Variants in ST18 observed in about 807,000 individuals in gnomAD.
The protein encoded by ST18 is suppression of tumorigenicity 18 protein.
In ST18, 50 loss-of-function variants were observed where a neutral mutation model predicts 110.0. The ratio of observed to expected loss-of-function variants is 0.45; its 90% CI spans 0.36 to 0.58. ST18 has a LOEUF of 0.58. ST18 is among the 20% of genes least tolerant of loss of function. The pLI is 0.00. For missense variants in ST18, 1,306 were observed against 1,280.1 expected (o/e 1.02, Z -0.31); for synonymous variants, 461 against 452.4 (o/e 1.02, Z -0.24).
chr8:52,228,304 T>C (rs896149153), intron 3 of ST18, among the ~76,000 whole-genome samples: 1 of 152,216 alleles, frequency 6.6e-6, no homozygotes, highest in African/African-American at 2.4e-5. Context: ...GAAATAATAG[T>C]CATATTTTTC....
At chr8:52,115,787 A>C (rs1462762017) in intron 25 of ST18, among the ~76,000 whole-genome samples, 1 of 149,628 alleles carries the variant, frequency 6.7e-6, no homozygotes, top group African/African-American at 2.5e-5. Context: ...TTCCTTGTTC[A>C]TTTTTTTTTG....
intron 2 of ST18, among the ~76,000 whole-genome samples, chr8:52,302,503 C>T (rs550100182): frequency 7.9e-5 from 12 of 152,304 alleles, no homozygotes; most frequent in African/African-American, 2.2e-4. Context: ...CACACCTCCA[C>T]AGCAGTGGGC....
intron 2 of ST18, among the ~76,000 whole-genome samples, chr8:52,293,776 A>G (rs2095592003): frequency 6.6e-6 from 1 of 152,212 alleles, no homozygotes; most frequent in Non-Finnish European, 1.5e-5. Context: ...CAGACTAAAT[A>G]GGATATATTT....
chr8:52,200,366 A>T (rs1284985322), intron 8 of ST18, among the ~76,000 whole-genome samples: 1 of 152,198 alleles, frequency 6.6e-6, no homozygotes, highest in Non-Finnish European at 1.5e-5. Context: ...ATTGAGCAAA[A>T]ACCTGGTGCA....
At chr8:52,313,048 G>A (rs2095951371) in intron 2 of ST18, 8 of 152,252 alleles carry the variant, frequency 5.3e-5, no homozygotes, top group Admixed American at 5.2e-4. Flanking sequence ...GAGACCTGAG[G>A]GCACAGGTAA....
chr8:52,143,239 G>A (rs2055940781), intron 16 of ST18, among the ~76,000 whole-genome samples, 194 bp from the exon 17 acceptor site: 1 of 152,260 alleles, frequency 6.6e-6, no homozygotes, highest in South Asian at 2.1e-4. Flanking sequence ...GTAATCCTTG[G>A]CCTTTGGGAA....
chr8:52,372,558 G>C (rs538061737), intron 2 of ST18, among the ~76,000 whole-genome samples: 1 of 152,270 alleles, frequency 6.6e-6, no homozygotes, highest in South Asian at 2.1e-4. Context: ...CTCCATTCAC[G>C]GTAAGTGCCC....
intron 8 of ST18, among the ~76,000 whole-genome samples, chr8:52,186,550 T>A (rs1339078832): frequency 6.6e-6 from 1 of 152,138 alleles, no homozygotes; most frequent in Non-Finnish European, 1.5e-5. Context: ...GGCCCAGAAA[T>A]TCCATTCCTA....
At chr8:52,375,276 C>T (rs572638138) in intron 2 of ST18, among the ~76,000 whole-genome samples, 190 of 152,246 alleles carry the variant, frequency 1.2e-3, no homozygotes, top group Non-Finnish European at 9.4e-4. Flanking sequence ...GCCGTCAACT[C>T]TTTTATTTGC....
In ST18 at chr8:52,238,556, T is replaced by C. The variant is rs149652913; in HGVS notation, c.-464-8479A>G. ...GCACATGTATGTTTTTTGTAGCACATTAGTCACAATAGCAAAGACATGAAA... is the reference window on the plus strand; with the variant it reads ...GCACATGTATGTTTTTTGTAGCACACTAGTCACAATAGCAAAGACATGAAA... On this transcript the variant is annotated intron_variant, in intron 2 of 25. Transcript: ENST00000689386. Among the ~76,000 whole-genome samples the C allele has an allele frequency of 5.9e-3, 893 of 152,184 alleles. 12 individuals carry two copies. The highest frequency in any genetic ancestry group is 0.021 in the African/African-American group (857 of 41,530).
intron 2 of ST18, among the ~76,000 whole-genome samples, chr8:52,332,233 G>A (rs1329468235): frequency 6.6e-6 from 1 of 151,994 alleles, no homozygotes; most frequent in East Asian, 1.9e-4. Flanking sequence ...TATTTGTAAT[G>A]GGGTAGAAAT....
chr8:52,215,897 C>T (rs528487033), intron 6 of ST18, among the ~76,000 whole-genome samples: 3 of 152,248 alleles, frequency 2.0e-5, no homozygotes, highest in African/African-American at 4.8e-5. Flanking sequence ...CCTCCATGTG[C>T]TAAATGAATA....
intron 2 of ST18, among the ~76,000 whole-genome samples, chr8:52,253,096 CT>C (rs1161327460): frequency 7.3e-5 from 11 of 151,214 alleles, no homozygotes; most frequent in Non-Finnish European, 1.2e-4. Context: ...GTTGATAGAA[CT>C]TTTTTTTCTG....
chr8:52,143,076 C>T (rs758141636), intron 16 of ST18, 31 bp from the exon 17 acceptor site: 6 of 1,438,512 alleles, frequency 4.2e-6, no homozygotes, highest in Non-Finnish European at 4.9e-6. Flanking sequence ...AAACAAAACA[C>T]AGAAGCCATT....
chr8:52,250,068 A>C (rs560868333), intron 2 of ST18, among the ~76,000 whole-genome samples: 3 of 152,044 alleles, frequency 2.0e-5, no homozygotes, highest in African/African-American at 7.2e-5. Context: ...AACTCCTATG[A>C]AAAATGAAAT....
intron 2 of ST18, among the ~76,000 whole-genome samples, chr8:52,283,729 T>C (rs540556217): frequency 3.6e-4 from 54 of 152,078 alleles, no homozygotes; most frequent in Non-Finnish European, 5.6e-4. Context: ...TTGAGAGGAG[T>C]ACTGACAGTT....
chr8:52,332,137 C>G (rs989344210), intron 2 of ST18, among the ~76,000 whole-genome samples: 1 of 151,652 alleles, frequency 6.6e-6, no homozygotes, highest in East Asian at 1.9e-4. Flanking sequence ...TAAGTATAAC[C>G]ACTCATTGTT....
chr8:52,291,242 G>A (rs148846066), intron 2 of ST18, among the ~76,000 whole-genome samples: 4 of 152,210 alleles, frequency 2.6e-5, no homozygotes, highest in East Asian at 3.9e-4. Context: ...TTCAACCAAC[G>A]CCTTTTCCTC....
intron 15 of ST18, among the ~76,000 whole-genome samples, chr8:52,158,096 C>G (rs1265434230): frequency 6.6e-6 from 1 of 152,230 alleles, no homozygotes; most frequent in Non-Finnish European, 1.5e-5. Context: ...GGCTGAGCCA[C>G]TTTTACAAGC....
Sources: allele counts gnomAD v4.1 joint callset (sites outside exome capture counted in the v4.1 genomes callset), GRCh38; gene constraint gnomAD v4.1.1; transcripts MANE v1.5; gene names NCBI Gene and HGNC (gene_info 2026-07-23, HGNC 2026-07-21).